Variants in ELAPOR2 observed in about 807,000 individuals in gnomAD.
ELAPOR2 encodes the protein endosome/lysosome-associated apoptosis and autophagy regulator family member 2.
ELAPOR2 carries 89 observed loss-of-function variants against 120.7 expected under a neutral mutation model. The observed-to-expected ratio is 0.74, with a 90% CI of 0.62 to 0.88. The LOEUF is 0.88. ELAPOR2 is among the 40% of genes least tolerant of loss of function. The pLI is 0.00. For synonymous variants in ELAPOR2, 444 were observed against 444.9 expected, an observed-to-expected ratio of 1.00 and a Z score of 0.03; for missense variants, 1,134 against 1,251.6, an observed-to-expected ratio of 0.91 and a Z score of 1.42.
chr7:86,908,150 T>TACACACACACACACAC (rs144805388), intron 17 of ELAPOR2, among the ~76,000 whole-genome samples: 1 of 144,266 alleles, frequency 6.9e-6, no homozygotes, highest in East Asian at 2.0e-4. Context: ...TGTAAGTGAA[T>TACACACACACACACAC]ACACACACAC....
At chr7:87,047,235 A>G (rs1243632619) in intron 1 of ELAPOR2, among the ~76,000 whole-genome samples, 1 of 152,218 alleles carries the variant, frequency 6.6e-6, no homozygotes, top group Non-Finnish European at 1.5e-5. Flanking sequence ...AGAAACTACT[A>G]AAGGACAACA....
At chr7:87,045,735 G>C (rs1471380326) in intron 1 of ELAPOR2, among the ~76,000 whole-genome samples, 1 of 151,424 alleles carries the variant, frequency 6.6e-6, no homozygotes, top group African/African-American at 2.4e-5. Context: ...ATGTGCACAT[G>C]TACCCTAAAA....
At chr7:86,934,910 C>A (rs1790501232) in intron 8 of ELAPOR2, among the ~76,000 whole-genome samples, 1 of 151,976 alleles carries the variant, frequency 6.6e-6, no homozygotes, top group South Asian at 2.1e-4. Flanking sequence ...TCCTCCCCCT[C>A]CATCTTATCA....
Position 86,914,822 on chromosome 7 carries a change from C to G in ELAPOR2, c.1632G>C (p.Trp544Cys). 1.9e-6 allele frequency: 3 copies of G among 1,611,296 alleles called. No homozygotes were observed. Among genetic ancestry groups the G allele is most frequent in the Non-Finnish European group, 2.5e-6 (3 of 1,178,628 alleles). Residue 544 changes from tryptophan to cysteine, a missense_variant, in exon 13 of 22, where the codon TGG becomes TGC. Transcript: ENST00000450689. ...AAGCTTGTTTTTCTTTGGTTCCACCCCACGATTCTACCACATTTGTACTTT... is the reference window on the plus strand; with the variant it reads ...AAGCTTGTTTTTCTTTGGTTCCACCGCACGATTCTACCACATTTGTACTTT... ...NRKSTNVVES[W>C]GGTKEKQAYT...
intron 8 of ELAPOR2, among the ~76,000 whole-genome samples, chr7:86,937,905 A>C (rs1562932315): frequency 6.6e-6 from 1 of 152,114 alleles, no homozygotes; most frequent in Non-Finnish European, 1.5e-5. Context: ...CAAATAAAAA[A>C]ATTGAGGCCT....
At chr7:87,002,066 T>C (rs1793335004) in intron 1 of ELAPOR2, among the ~76,000 whole-genome samples, 1 of 152,166 alleles carries the variant, frequency 6.6e-6, no homozygotes, top group African/African-American at 2.4e-5. Context: ...ACATTTTTCA[T>C]TAAGTATTAC....
At chr7:86,975,284 A>T (rs1792246460) in intron 1 of ELAPOR2, among the ~76,000 whole-genome samples, 1 of 152,206 alleles carries the variant, frequency 6.6e-6, no homozygotes, top group Non-Finnish European at 1.5e-5. Context: ...CTTTGTACAG[A>T]AATAGTATAA....
intron 18 of ELAPOR2, 67 bp downstream of exon 18, chr7:86,907,603 A>C (rs566340206): frequency 1.0e-6 from 1 of 987,540 alleles, no homozygotes; most frequent in African/African-American, 1.7e-5. Context: ...ATATGTTTTA[A>C]AATAGTAACA....
At chr7:87,029,515 A>C (rs1021364367) in intron 1 of ELAPOR2, among the ~76,000 whole-genome samples, 1 of 152,212 alleles carries the variant, frequency 6.6e-6, no homozygotes, top group Non-Finnish European at 1.5e-5. Flanking sequence ...TCTTTTTATA[A>C]TTTAAGGAGC....
intron 19 of ELAPOR2, among the ~76,000 whole-genome samples, chr7:86,895,216 T>A (rs1788384416): frequency 6.6e-6 from 1 of 152,010 alleles, no homozygotes; most frequent in Non-Finnish European, 1.5e-5. Flanking sequence ...TCACTGACAA[T>A]AAAAAATGCA....
At chr7:87,005,424 T>G (rs7780140) in intron 1 of ELAPOR2, among the ~76,000 whole-genome samples, 2 of 151,806 alleles carry the variant, frequency 1.3e-5, no homozygotes, top group Non-Finnish European at 2.9e-5. Context: ...GATCCACACA[T>G]GACATATTTC....
chr7:86,913,114 C>T lies in ELAPOR2; in HGVS notation c.1822G>A (p.Ala608Thr). ...GAACCCGACTGTTCAGAACCGAGGGCACAGGCACGGCATGAGGACGCCACC... is the reference window on the plus strand; with the variant it reads ...GAACCCGACTGTTCAGAACCGAGGGTACAGGCACGGCATGAGGACGCCACC... ...DGVASSCRAC[A>T]LGSEQSGSSC... The change falls in exon 14 of 22, where the codon GCC becomes ACC. Residue 608 changes from alanine to threonine, a missense_variant. Around this residue, in one of 3 missense-constraint regions of ELAPOR2, gnomAD observed 831 missense variants for 867.6 expected, o/e 0.96. Coordinates refer to ENST00000450689, the MANE Select transcript of ELAPOR2 (RefSeq NM_001142749.3). 6.2e-7 allele frequency: 1 copy of T among 1,614,064 alleles called. No individual in the cohort carries two copies. Among genetic ancestry groups the T allele is most frequent in the Non-Finnish European group, 8.5e-7 (1 of 1,180,010 alleles).
intron 1 of ELAPOR2, among the ~76,000 whole-genome samples, chr7:87,013,465 T>G (rs1198431420): frequency 6.6e-6 from 1 of 152,174 alleles, no homozygotes; most frequent in African/African-American, 2.4e-5. Context: ...CAGGGTTTTC[T>G]TAGGTAACAT....
chr7:86,892,930 C>CT lies in ELAPOR2; in HGVS notation c.2855dup (p.Asn953GlufsTer16). Reference sequence around the variant, plus strand: ...TCTCAGAGGGTACTTACTTTTGATTCTTTTTCCAGAAGTAGCAGGTCAGAG... The same window carrying CT: ...TCTCAGAGGGTACTTACTTTTGATTCTTTTTTCCAGAAGTAGCAGGTCAGAG... On this transcript the variant is annotated frameshift_variant, in exon 20 of 22. Transcript: ENST00000450689. LOFTEE classifies it high-confidence loss of function. 6.5e-7 allele frequency: 1 copy of CT among 1,538,870 alleles called. No individual in the cohort carries two copies. Among genetic ancestry groups the CT allele is most frequent in the South Asian group, 1.3e-5 (1 of 77,020 alleles).
chr7:87,051,162 G>C lies in ELAPOR2; in HGVS notation c.189+8163C>G, dbSNP rs150284754. Reference sequence around the variant, plus strand: ...CATCACTAGGAGTGTAAGGATGACAGAAAAGACAGGAGGGCCAAGAATAAA... The same window carrying C: ...CATCACTAGGAGTGTAAGGATGACACAAAAGACAGGAGGGCCAAGAATAAA... On this transcript the variant is annotated intron_variant, in intron 1 of 21. Coordinates refer to ENST00000450689, the MANE Select transcript of ELAPOR2 (RefSeq NM_001142749.3). Among the ~76,000 whole-genome samples the C allele has an allele frequency of 6.2e-4, 95 of 152,258 alleles. 1 individual carries two copies. Among genetic ancestry groups the C allele is most frequent in the African/African-American group, 2.2e-3 (91 of 41,546 alleles).
chr7:86,919,368 T>A (rs1789716523), intron 10 of ELAPOR2, 58 bp from the exon 11 acceptor site: 1 of 1,025,322 alleles, frequency 9.8e-7, no homozygotes, highest in South Asian at 1.5e-5. Context: ...TCTCCAACAA[T>A]CTGTTTAAAT....
rs148017045 is a variant in ELAPOR2 at position 86,884,434 on chromosome 7, T to C, written c.3031-3904A>G. ...AGTTTGAACTGCACAGGCCTACTTA[T>C]AGGCAGATTTTACAAAACTGAACCC... On this transcript the variant is annotated intron_variant, in intron 21 of 21. Transcript: ENST00000450689. 7.2e-4 allele frequency among the ~76,000 whole-genome samples: 110 copies of C among 152,268 alleles called. 1 individual carries two copies. Among genetic ancestry groups the C allele is most frequent in the African/African-American group, 2.4e-3 (99 of 41,558 alleles).
intron 21 of ELAPOR2, among the ~76,000 whole-genome samples, chr7:86,881,657 C>T (rs920099746): frequency 6.6e-6 from 1 of 152,044 alleles, no homozygotes; most frequent in African/African-American, 2.4e-5. Flanking sequence ...CGCCCGACCA[C>T]CTAATTTTTA....
chr7:86,937,176 T>C (rs10487058), intron 8 of ELAPOR2, among the ~76,000 whole-genome samples: 8,456 of 152,128 alleles, frequency 0.056, 800 homozygotes, highest in African/African-American at 0.19. Context: ...AAGTAATAGT[T>C]GTACTTCTTA....
Sources: allele counts gnomAD v4.1 joint callset (sites outside exome capture counted in the v4.1 genomes callset), GRCh38; gene constraint gnomAD v4.1.1; regional missense constraint gnomAD v4.1.1; transcripts MANE v1.5; gene names NCBI Gene and HGNC (gene_info 2026-07-23, HGNC 2026-07-21).